DNAJC1: variants seen among roughly 807,000 people sequenced by gnomAD.
DNAJC1 encodes the protein dnaJ homolog subfamily C member 1.
Under a neutral mutation model 76.6 loss-of-function variants are expected in DNAJC1, and 58 were observed. The observed-to-expected ratio is 0.76, with a 90% CI of 0.61 to 0.94. The LOEUF (loss-of-function observed/expected upper bound fraction) is 0.94. Ranked by LOEUF, DNAJC1 falls within the 40% of genes least tolerant of loss-of-function variation. The probability of loss-of-function intolerance (pLI) is 0.00; values close to 1 mark genes in which losing one functional copy is unlikely to be tolerated. For missense variants in DNAJC1, 689 were observed against 677.3 expected, an observed-to-expected ratio of 1.02 and a Z score of -0.19; for synonymous variants, 258 against 267.9, an observed-to-expected ratio of 0.96 and a Z score of 0.36.
At chr10:21,851,464 C>A (rs184601812) in intron 8 of DNAJC1, among the ~76,000 whole-genome samples, 96 of 152,160 alleles carry the variant, frequency 6.3e-4, no homozygotes, top group Non-Finnish European at 4.4e-5. Context: ...ACAATCACAA[C>A]CACAACAAAA....
At chr10:21,862,636 C>T (rs899245380) in intron 8 of DNAJC1, among the ~76,000 whole-genome samples, 3 of 151,382 alleles carry the variant, frequency 2.0e-5, no homozygotes, top group Non-Finnish European at 4.4e-5. Context: ...GCTATGTTGG[C>T]CAGGCTGGTC....
chr10:21,957,073 G>A (rs1837700598), intron 1 of DNAJC1, among the ~76,000 whole-genome samples: 1 of 151,844 alleles, frequency 6.6e-6, no homozygotes, highest in South Asian at 2.1e-4. Flanking sequence ...TGTATTTTTA[G>A]TAGAGACAGG....
chr10:21,777,857 T>G (rs1480203728), intron 9 of DNAJC1, among the ~76,000 whole-genome samples: 1 of 152,198 alleles, frequency 6.6e-6, no homozygotes, highest in Non-Finnish European at 1.5e-5. Flanking sequence ...AACATTTTCA[T>G]AAGACTGTCA....
rs1285771891 is a variant in DNAJC1 at position 21,774,140 on chromosome 10, C to CAA, written c.1099-7833_1099-7832dup. Among the ~76,000 whole-genome samples, 229 of 55,272 alleles carry CAA rather than the reference C, an allele frequency of 4.1e-3. 2 individuals are homozygous for CAA. The highest frequency in any genetic ancestry group is 0.014 in the African/African-American group (202 of 14,564). 36.3% of individuals were successfully genotyped at this position (55,272 alleles called of 152,430 possible). A position where few individuals can be genotyped will look rare whatever the true frequency, so the allele number is the denominator to read the frequency against. ...TGGGCGACAGAGCGAGACTCCGTCTCAAAAAAAAAAAAAAAAAAAGATGTA... is the reference window on the plus strand; with the variant it reads ...TGGGCGACAGAGCGAGACTCCGTCTCAAAAAAAAAAAAAAAAAAAAAGATGTA... On this transcript the variant is annotated intron_variant, in intron 9 of 11. Coordinates refer to ENST00000376980, the MANE Select transcript of DNAJC1 (RefSeq NM_022365.4).
At chr10:21,791,330 A>C (rs1834684196) in intron 9 of DNAJC1, among the ~76,000 whole-genome samples, 2 of 152,218 alleles carry the variant, frequency 1.3e-5, no homozygotes, top group African/African-American at 4.8e-5. Context: ...TGGACAGATC[A>C]TTCAGACAGG....
chr10:21,780,809 TAA>T (rs372265994), intron 9 of DNAJC1, among the ~76,000 whole-genome samples: 1 of 152,076 alleles, frequency 6.6e-6, no homozygotes, highest in African/African-American at 2.4e-5. Flanking sequence ...GCAAATTGGA[TAA>T]AGAGTCAAGA....
At position 21,777,092 on chromosome 10, in the gene DNAJC1, A is replaced by G. The variant is rs111540335; in HGVS notation, c.1099-10783T>C. ...AAATAAATGCTTACTAGGCAGTATG[A>G]TAACATCACCAGACCACAGACTATG... On this transcript the variant is annotated intron_variant, in intron 9 of 11. Coordinates refer to ENST00000376980, the MANE Select transcript of DNAJC1 (RefSeq NM_022365.4). Among the ~76,000 whole-genome samples, 8 of 152,318 alleles carry G rather than the reference A, an allele frequency of 5.3e-5. 1 individual carries two copies. The highest frequency in any genetic ancestry group is 1.9e-4 in the African/African-American group (8 of 41,580).
chr10:21,826,805 G>A (rs1233802340), intron 8 of DNAJC1, among the ~76,000 whole-genome samples: 1 of 152,104 alleles, frequency 6.6e-6, no homozygotes, highest in Non-Finnish European at 1.5e-5. Context: ...GAACATGTTT[G>A]ACCATATATG....
intron 1 of DNAJC1, among the ~76,000 whole-genome samples, chr10:21,934,054 G>T (rs368782085): frequency 6.6e-6 from 1 of 152,010 alleles, no homozygotes; most frequent in East Asian, 1.9e-4. Context: ...CCTTCAGGAG[G>T]TATTTCAGAA....
At chr10:21,776,414 C>G (rs1276451528) in intron 9 of DNAJC1, among the ~76,000 whole-genome samples, 9 of 152,080 alleles carry the variant, frequency 5.9e-5, no homozygotes, top group Non-Finnish European at 1.3e-4. Context: ...AAGTATTACT[C>G]TAGTAACAAA....
At chr10:21,804,372 C>T (rs1449797798) in intron 9 of DNAJC1, among the ~76,000 whole-genome samples, 1 of 151,790 alleles carries the variant, frequency 6.6e-6, no homozygotes, top group African/African-American at 2.4e-5. Context: ...CCTTTTTAAA[C>T]CAATGTTTTA....
At chr10:21,769,172 A>G (rs1032005669) in intron 9 of DNAJC1, among the ~76,000 whole-genome samples, 3 of 152,112 alleles carry the variant, frequency 2.0e-5, no homozygotes, top group Admixed American at 6.5e-5. Context: ...CATCCCAGCT[A>G]TTCGATAATA....
chr10:21,980,711 T>G (rs1314455944), intron 1 of DNAJC1, among the ~76,000 whole-genome samples: 1 of 152,160 alleles, frequency 6.6e-6, no homozygotes. Flanking sequence ...GAAAGCCAGG[T>G]GAAAGGTATA....
intron 1 of DNAJC1, among the ~76,000 whole-genome samples, chr10:21,959,691 C>T (rs1456673324): frequency 1.3e-5 from 2 of 150,256 alleles, no homozygotes; most frequent in African/African-American, 4.9e-5. Flanking sequence ...GAGGCCAAGG[C>T]AGGAGAATCA....
intron 6 of DNAJC1, among the ~76,000 whole-genome samples, chr10:21,914,867 T>C (rs1590047068): frequency 1.3e-5 from 2 of 152,222 alleles, no homozygotes; most frequent in Non-Finnish European, 2.9e-5. Flanking sequence ...TTACTCTTTT[T>C]AGTTTTCTTT....
intron 8 of DNAJC1, among the ~76,000 whole-genome samples, chr10:21,881,631 T>C (rs972198446): frequency 6.6e-6 from 1 of 152,048 alleles, no homozygotes; most frequent in African/African-American, 2.4e-5. Flanking sequence ...CTGTCTTACA[T>C]GTGTGCACTT....
intron 8 of DNAJC1, among the ~76,000 whole-genome samples, chr10:21,860,304 A>C (rs1835900889): frequency 6.6e-6 from 1 of 152,148 alleles, no homozygotes; most frequent in Non-Finnish European, 1.5e-5. Context: ...CTTATCTCTA[A>C]AATAGAAAGA....
At chr10:21,940,853 A>T (rs1195939298) in intron 1 of DNAJC1, among the ~76,000 whole-genome samples, 2 of 152,080 alleles carry the variant, frequency 1.3e-5, no homozygotes, top group Non-Finnish European at 2.9e-5. Context: ...TCTTAGACTA[A>T]ATCTTGCCAC....
intron 1 of DNAJC1, among the ~76,000 whole-genome samples, chr10:21,949,926 G>GT (rs1837563407): frequency 2.0e-5 from 3 of 151,920 alleles, no homozygotes; most frequent in Non-Finnish European, 4.4e-5. Flanking sequence ...ATTTGCTTCA[G>GT]TTTTTGCTTA....
Sources: gnomAD v4.1 joint callset for allele counts (sites outside exome capture counted in the v4.1 genomes callset) on GRCh38, gnomAD v4.1.1 for gene constraint, MANE v1.5 for transcripts, NCBI Gene and HGNC (gene_info 2026-07-23, HGNC 2026-07-21) for gene names.